The following DHX38 variants were observed in gnomAD, a reference collection of about 807,000 sequenced individuals.
The protein encoded by DHX38 is pre-mRNA-splicing factor ATP-dependent RNA helicase PRP16.
A neutral mutation model predicts 153.1 loss-of-function variants in DHX38; 100 were observed. That is an observed-to-expected ratio of 0.65 (90% confidence interval 0.56 to 0.77). The LOEUF is 0.77. Among genes scored for constraint, DHX38 ranks in the 30% least tolerant of loss-of-function variants. The probability of loss-of-function intolerance (pLI) is 0.00; values close to 1 mark genes in which losing one functional copy is unlikely to be tolerated. For missense variants in DHX38, 1,440 were observed against 1,654.0 expected (o/e 0.87, Z 2.24); for synonymous variants, 650 against 631.7 (o/e 1.03, Z -0.43).
intron 3 of DHX38, 114 bp from the exon 4 acceptor site, chr16:72,097,563 A>G (rs1456658711): frequency 2.2e-6 from 2 of 926,742 alleles, no homozygotes; most frequent in Non-Finnish European, 3.4e-6. Flanking sequence ...ATCACATTCG[A>G]GCAGTGCAGG....
At position 72,107,361 on chromosome 16, in the gene DHX38, C is replaced by T. The variant is rs2042192741; in HGVS notation, c.2622C>T (p.Tyr874=). The change falls in exon 20 of 27, where the codon TAC becomes TAT. Residue 874 remains tyrosine, a synonymous_variant. Transcript: ENST00000268482. This position sits in a 1 kb window ranked among gnomAD's most constrained non-coding sequence, Gnocchi z 5.3. ...QCFRLYTQSA[Y]KNELLTTTVP... is the part of the protein sequence containing the mutation. ...GCAGGCTCTACACCCAGAGCGCCTA[C>T]AAGAATGAGCTCCTGACCACCACAG... The T allele has an allele frequency of 6.2e-7, 1 of 1,611,608 alleles. No homozygotes were observed. The highest frequency in any genetic ancestry group is 8.5e-7 in the Non-Finnish European group (1 of 1,179,934).
At chr16:72,109,621 A>G in intron 25 of DHX38, 111 bp downstream of exon 25, 3 of 1,000,012 alleles carry the variant, frequency 3.0e-6, no homozygotes, top group Non-Finnish European at 4.2e-6. Flanking sequence ...CTCTCTGCAA[A>G]CATAAAGGCT....
In DHX38 at chr16:72,107,896, C is replaced by T; in HGVS notation, c.2964+97C>T. On this transcript the variant is annotated intron_variant, in intron 21 of 26. Coordinates refer to ENST00000268482, the MANE Select transcript of DHX38 (RefSeq NM_014003.4). This position sits in a 1 kb window ranked among gnomAD's most constrained non-coding sequence, Gnocchi z 5.3. The stretch of plus-strand genomic sequence containing the variant: ...TGTATTACTGAAATGGAACAGAGGG[C>T]AGAATCAGAGTTTCTGAAGAATGAT... The T allele has an allele frequency of 6.9e-7, 1 of 1,459,832 alleles. No homozygotes were observed. Among genetic ancestry groups the T allele is most frequent in the South Asian group, 1.3e-5 (1 of 78,154 alleles). 90.4% of individuals were successfully genotyped at this position (1,459,832 alleles called of 1,614,324 possible). A position where few individuals can be genotyped will look rare whatever the true frequency, so the allele number is the denominator to read the frequency against.
At position 72,106,132 on chromosome 16, in the gene DHX38, C is replaced by A. The variant is rs756220192; in HGVS notation, c.2600+15C>A. 2 of 1,612,788 alleles carry A rather than the reference C, an allele frequency of 1.2e-6. No individual in the cohort carries two copies. Among genetic ancestry groups the A allele is most frequent in the Non-Finnish European group, 1.7e-6 (2 of 1,179,082 alleles). On this transcript the variant is annotated intron_variant, in intron 19 of 26. Transcript: ENST00000268482. ...CAGTGTTTCAGGTAGGAGCCCTGTG[C>A]TAGCCTGCTTTCTGGGGCAGCGCTG...
chr16:72,109,636 T>C, intron 25 of DHX38, 126 bp downstream of exon 25: 2 of 885,904 alleles, frequency 2.3e-6, no homozygotes, highest in Non-Finnish European at 3.2e-6. Flanking sequence ...AAGGCTGTGA[T>C]CCAGCAGGCT....
Position 72,096,859 on chromosome 16 carries a change from C to T in DHX38, c.361C>T (p.Pro121Ser), listed in dbSNP as rs780039631. 1.5e-5 allele frequency: 24 copies of T among 1,613,816 alleles called. No individual in the cohort carries two copies. The South Asian group carries it at 2.4e-4, about 16-fold the overall frequency. The change falls in exon 3 of 27, where the codon CCG becomes TCG. Residue 121 changes from proline (P) to serine (S), a missense_variant. Physicochemically the swap from Pro to Ser is moderately conservative, Grantham distance 74. Around this residue, in one of 6 missense-constraint regions of DHX38, gnomAD observed 483 missense variants for 465.1 expected, o/e 1.04. Coordinates refer to ENST00000268482, the MANE Select transcript of DHX38 (RefSeq NM_014003.4). ...RSARVETPSH[P>S]GGVSEEFWER... ...TGCTCGGGTAGAGACTCCATCCCAT[C>T]CGGGTGGTGTGAGCGAAGAGTTTTG...
Position 72,107,510 on chromosome 16 carries a change from T to C in DHX38, c.2771T>C (p.Met924Thr). 1.2e-6 allele frequency: 2 copies of C among 1,614,122 alleles called. No homozygotes were observed. The highest frequency in any genetic ancestry group is 2.2e-5 in the East Asian group (1 of 44,882). ...PPPEDNMLNSMYQLWILGALD... is the reference protein window; with the variant it reads ...PPPEDNMLNSTYQLWILGALD... ...CCGGAGGACAACATGCTCAACTCTA[T>C]GTATCAGCTCTGGATCCTCGGGGCC... The change falls in exon 20 of 27, where the codon ATG becomes ACG. Residue 924 changes from methionine to threonine, a missense_variant. Physicochemically the swap from Met to Thr is moderately conservative, Grantham distance 81. This residue lies in a region of DHX38 where 543 missense variants were observed against 717.9 expected (regional missense o/e 0.76). Coordinates refer to ENST00000268482, the MANE Select transcript of DHX38 (RefSeq NM_014003.4). This position sits in a 1 kb window ranked among gnomAD's most constrained non-coding sequence, Gnocchi z 5.3.
At chr16:72,097,405 TA>T (rs892077466) in intron 3 of DHX38, 62 of 462,632 alleles carry the variant, frequency 1.3e-4, no homozygotes, top group Admixed American at 1.3e-4. Flanking sequence ...TTGTAACTAT[TA>T]AAAAAAATGA....
At chr16:72,112,332 TCC>T in intron 26 of DHX38, 79 bp from the exon 27 acceptor site, 1 of 1,405,416 alleles carries the variant, frequency 7.1e-7, no homozygotes, top group Non-Finnish European at 1.0e-6. Context: ...GAACAGTAAG[TCC>T]TGGGGCTCTG....
At chr16:72,095,257 A>C (rs1283621887) in intron 1 of DHX38, among the ~76,000 whole-genome samples, 1 of 152,248 alleles carries the variant, frequency 6.6e-6, no homozygotes, top group Non-Finnish European at 1.5e-5. Context: ...TAGCCACTTA[A>C]ATACTTCTCA....
At position 72,101,609 on chromosome 16, in the gene DHX38, A is replaced by G. The variant is rs768626415; in HGVS notation, c.1496A>G (p.Tyr499Cys). 4 of 1,551,422 alleles carry G rather than the reference A, an allele frequency of 2.6e-6. No homozygotes were observed. The highest frequency in any genetic ancestry group is 3.5e-6 in the Non-Finnish European group (4 of 1,146,864). ...GTGACGGAGGATGGGAAGGTGGACT[A>G]CAGGTGGGCAGCCTCAGCCAGCAGC... Reference protein sequence around the residue: ...KAVTEDGKVDYRTEQKFADHM... With the variant: ...KAVTEDGKVDCRTEQKFADHM... Residue 499 changes from tyrosine to cysteine, a missense_variant, in exon 11 of 27, where the codon TAC becomes TGC. By Grantham distance (194) the Tyr-to-Cys change is radical. Transcript: ENST00000268482.
At position 72,100,478 on chromosome 16, in the gene DHX38, G is replaced by A; in HGVS notation, c.1159G>A (p.Val387Met). 6.2e-7 allele frequency: 1 copy of A among 1,614,194 alleles called. No homozygotes were observed. Among genetic ancestry groups the A allele is most frequent in the South Asian group, 1.1e-5 (1 of 91,088 alleles). Residue 387 changes from valine (V) to methionine (M), a missense_variant, in exon 9 of 27, where the codon GTG becomes ATG. Physicochemically the swap from Val to Met is conservative, Grantham distance 21. This residue lies in a region of DHX38 where 77 missense variants were observed against 125.4 expected (regional missense o/e 0.61). Coordinates refer to ENST00000268482, the MANE Select transcript of DHX38 (RefSeq NM_014003.4). ...WETNRMLTSGVVHRLEVDEDF... is the reference protein window; with the variant it reads ...WETNRMLTSGMVHRLEVDEDF... ...GACAAACCGCATGCTCACCAGTGGG[G>A]TGGTCCATCGGCTGGAGGTGGATGA...
intron 4 of DHX38, 64 bp downstream of exon 4, chr16:72,097,845 TC>T: frequency 8.7e-7 from 1 of 1,152,882 alleles, no homozygotes; most frequent in South Asian, 1.4e-5. Context: ...TGAGTGACTC[TC>T]GTCTTCAGTG....
Position 72,104,698 on chromosome 16 carries a change from G to C in DHX38, c.2151+72G>C. On this transcript the variant is annotated intron_variant, in intron 15 of 26. Transcript: ENST00000268482. This position sits in a 1 kb window ranked among gnomAD's most constrained non-coding sequence, Gnocchi z 4.5. ...TTCTCTGATGCGAAGCCGGCTGGAG[G>C]GTGGAGGGTGGGTAGGGGACTGGGT... is the stretch of plus-strand genomic sequence containing the variant. 1 of 1,596,414 alleles carries C rather than the reference G, an allele frequency of 6.3e-7. No homozygotes were observed. The highest frequency in any genetic ancestry group is 1.3e-5 in the African/African-American group (1 of 74,866).
In DHX38 at chr16:72,108,275, G is replaced by A; in HGVS notation, c.3013G>A (p.Glu1005Lys). ...AATCCGGGAGAAGTTCGCTGTTCCTGAGAGCGATCATTTGACCTACCTGAA... is the reference window on the plus strand; with the variant it reads ...AATCCGGGAGAAGTTCGCTGTTCCTAAGAGCGATCATTTGACCTACCTGAA... Reference protein sequence around the residue: ...DQIREKFAVPESDHLTYLNVY... With the variant: ...DQIREKFAVPKSDHLTYLNVY... Residue 1005 changes from glutamate to lysine, a missense_variant, in exon 22 of 27, where the codon GAG becomes AAG. By Grantham distance (56) the Glu-to-Lys change is moderately conservative (BLOSUM62 1). Transcript: ENST00000268482. The A allele has an allele frequency of 1.9e-6, 3 of 1,614,140 alleles. No homozygotes were observed. The highest frequency in any genetic ancestry group is 2.5e-6 in the Non-Finnish European group (3 of 1,180,028).
intron 26 of DHX38, 133 bp downstream of exon 26, chr16:72,111,210 T>C: frequency 2.2e-6 from 3 of 1,348,230 alleles, no homozygotes; most frequent in Admixed American, 3.0e-5. Flanking sequence ...AGAAGTTGCT[T>C]GTGCATTTGG....
chr16:72,112,146 G>C, intron 26 of DHX38: 1 of 515,316 alleles, frequency 1.9e-6, no homozygotes, highest in Non-Finnish European at 3.5e-6. Context: ...GTGGAGGGAA[G>C]CTGCTTTTGT....
chr16:72,101,393 G>T, intron 10 of DHX38, 107 bp from the exon 11 acceptor site: 1 of 1,241,280 alleles, frequency 8.1e-7, no homozygotes, highest in Non-Finnish European at 1.1e-6. Context: ...CAGCACTCTG[G>T]GGGAGTTTAC....
Position 72,104,212 on chromosome 16 carries a change from G to A in DHX38, c.2010+81G>A. ...CAGTAGCTAGTGGGTTGCTCCAGGT[G>A]GGCTGAGGGGGTCTCTGGTAGGCCA... On this transcript the variant is annotated intron_variant, in intron 14 of 26. Transcript: ENST00000268482. The surrounding 1 kb of genome is among the most constrained non-coding windows in gnomAD (Gnocchi z 4.5). The A allele has an allele frequency of 3.9e-6, 6 of 1,528,442 alleles. No homozygotes were observed. Among genetic ancestry groups the A allele is most frequent in the Non-Finnish European group, 5.3e-6 (6 of 1,128,084 alleles). 94.7% of individuals were successfully genotyped at this position (1,528,442 alleles called of 1,614,324 possible).
Sources: gnomAD v4.1 joint callset for allele counts (sites outside exome capture counted in the v4.1 genomes callset) on GRCh38, gnomAD v4.1.1 for gene constraint, gnomAD v4.1.1 regional missense constraint, Gnocchi (gnomAD v3.1) non-coding constraint, MANE v1.5 for transcripts, NCBI Gene and HGNC (gene_info 2026-07-23, HGNC 2026-07-21) for gene names.